The following HMGCL variants were observed in gnomAD, a reference collection of about 807,000 sequenced individuals.
HMGCL encodes the protein 3-hydroxy-3-methylglutaryl-CoA lyase, also known as hydroxymethylglutaryl-CoA lyase, mitochondrial.
In HMGCL, 26 loss-of-function variants were observed where a neutral mutation model predicts 37.3. That is an observed-to-expected ratio of 0.70 (90% CI 0.51 to 0.97). HMGCL has a LOEUF of 0.97. Ranked by LOEUF, HMGCL falls within the 50% of genes least tolerant of loss-of-function variation. HMGCL has a pLI of 0.00. For synonymous variants in HMGCL, 151 were observed against 148.0 expected, an observed-to-expected ratio of 1.02 and a Z score of -0.15; for missense variants, 379 against 398.1, an observed-to-expected ratio of 0.95 and a Z score of 0.41.
chr1:23,815,801 G>A (rs1018210712), intron 4 of HMGCL, among the ~76,000 whole-genome samples: 1 of 151,236 alleles, frequency 6.6e-6, no homozygotes, highest in Non-Finnish European at 1.5e-5. Flanking sequence ...GGCCTGTAGT[G>A]CTTTCTTACA....
At chr1:23,808,569 C>T (rs573610956) in intron 6 of HMGCL, among the ~76,000 whole-genome samples, 9 of 152,308 alleles carry the variant, frequency 5.9e-5, no homozygotes, top group Admixed American at 3.9e-4. Flanking sequence ...CTCCAACCCC[C>T]GTGCTTTCCT....
intron 4 of HMGCL, among the ~76,000 whole-genome samples, chr1:23,815,915 C>T (rs534305822): frequency 7.3e-5 from 11 of 150,338 alleles, no homozygotes; most frequent in Middle Eastern, 6.9e-3. Flanking sequence ...CCCTGGAAGT[C>T]ACTCTTGAGA....
intron 7 of HMGCL, 80 bp downstream of exon 7, chr1:23,808,055 T>C: frequency 1.5e-6 from 2 of 1,316,308 alleles, no homozygotes; most frequent in Non-Finnish European, 2.2e-6. Flanking sequence ...CATCAGTAAA[T>C]GTTTGCTGAA....
intron 2 of HMGCL, among the ~76,000 whole-genome samples, chr1:23,819,340 T>C (rs1213688529): frequency 6.6e-6 from 1 of 152,210 alleles, no homozygotes; most frequent in Non-Finnish European, 1.5e-5. Flanking sequence ...GTCCAGAATA[T>C]TTCCATCTTC....
At chr1:23,803,191 C>T (rs1274519340) in intron 8 of HMGCL, among the ~76,000 whole-genome samples, 2 of 152,084 alleles carry the variant, frequency 1.3e-5, no homozygotes, top group African/African-American at 2.4e-5. Context: ...TGTGCCACCA[C>T]ACCCAGCTAA....
At chr1:23,817,419 C>CA in intron 3 of HMGCL, 57 bp downstream of exon 3, 1 of 1,035,966 alleles carries the variant, frequency 9.7e-7, no homozygotes, top group Non-Finnish European at 1.5e-6. Context: ...GCTTCAAAGG[C>CA]AAATGCAAAA....
intron 7 of HMGCL, 44 bp downstream of exon 7, chr1:23,808,091 G>T: frequency 6.5e-7 from 1 of 1,533,992 alleles, no homozygotes; most frequent in Non-Finnish European, 9.0e-7. Context: ...AAGCTGTCCT[G>T]CCCACCGTGA....
intron 2 of HMGCL, among the ~76,000 whole-genome samples, chr1:23,818,905 T>C (rs1023577881): frequency 1.2e-4 from 17 of 144,932 alleles, no homozygotes; most frequent in African/African-American, 2.6e-4. Flanking sequence ...GCCGGGGATA[T>C]AGCAGTAAGC....
intron 7 of HMGCL, among the ~76,000 whole-genome samples, chr1:23,805,033 C>A (rs963183402): frequency 2.0e-5 from 3 of 152,056 alleles, no homozygotes; most frequent in Admixed American, 2.0e-4. Flanking sequence ...TCTATCACCC[C>A]CTTCCCCATC....
chr1:23,803,061 G>T (rs1638316646), intron 8 of HMGCL, among the ~76,000 whole-genome samples: 1 of 152,016 alleles, frequency 6.6e-6, no homozygotes, highest in Non-Finnish European at 1.5e-5. Flanking sequence ...TGGAGACAGA[G>T]TTTGCTCTTG....
chr1:23,804,491 C>T lies in HMGCL; in HGVS notation c.785G>A (p.Gly262Glu). Residue 262 changes from glycine (G) to glutamate (E), a missense_variant, in exon 8 of 9, where the codon GGA (glycine) becomes GAA (glutamate). Coordinates refer to ENST00000374490, the MANE Select transcript of HMGCL (RefSeq NM_000191.3). ...GVSVVDSSVA[G>E]LGGCPYAQGA... ...CTGTGCGTAGGGACAGCCTCCAAGT[C>T]CTGCCACAGAAGAGTCCACGACACT... The T allele has an allele frequency of 6.2e-7, 1 of 1,614,100 alleles. No homozygotes were observed. Among genetic ancestry groups the T allele is most frequent in the Non-Finnish European group, 8.5e-7 (1 of 1,179,988 alleles).
Position 23,806,985 on chromosome 1 carries a change from G to A in HMGCL, c.750+1150C>T. 1.9e-6 allele frequency: 1 copy of A among 518,972 alleles called. No homozygotes were observed. Among genetic ancestry groups the A allele is most frequent in the Non-Finnish European group, 3.8e-6 (1 of 259,868 alleles). The allele number at this position is 518,972 out of a possible 1,614,324, so 32.1% of individuals were successfully genotyped here. ...GATCCATATTTCCGAAGTAACTGATGGAAGAGGGAGGTCAGAGGAAGCTAC... is the reference window on the plus strand; with the variant it reads ...GATCCATATTTCCGAAGTAACTGATAGAAGAGGGAGGTCAGAGGAAGCTAC... On this transcript the variant is annotated intron_variant, in intron 7 of 8. Transcript: ENST00000374490. This position sits in a 1 kb window ranked among gnomAD's most constrained non-coding sequence, Gnocchi z 4.0.
At chr1:23,821,120 C>CTG (rs1638711008) in intron 1 of HMGCL, among the ~76,000 whole-genome samples, 6 of 152,164 alleles carry the variant, frequency 3.9e-5, no homozygotes, top group African/African-American at 1.2e-4. Flanking sequence ...CTTTGGGAGG[C>CTG]CGAAGCGGGC....
intron 1 of HMGCL, among the ~76,000 whole-genome samples, chr1:23,821,856 TA>T (rs1330032426): frequency 3.9e-5 from 6 of 152,222 alleles, no homozygotes; most frequent in Admixed American, 3.3e-4. Context: ...TGGCTTTTTT[TA>T]AAAAAACTGG....
At chr1:23,817,140 A>T (rs1272804807) in intron 3 of HMGCL, among the ~76,000 whole-genome samples, 1 of 152,190 alleles carries the variant, frequency 6.6e-6, no homozygotes, top group Non-Finnish European at 1.5e-5. Flanking sequence ...TATCTTTGTG[A>T]AGCAGGAGTT....
At position 23,802,320 on chromosome 1, in the gene HMGCL, T is replaced by C. The variant is rs778792823; in HGVS notation, c.*143A>G. The C allele has an allele frequency of 1.1e-5, 8 of 709,696 alleles. No individual in the cohort carries two copies. The highest frequency in any genetic ancestry group is 2.0e-5 in the Admixed American group (1 of 49,246). The allele number at this position is 709,696 out of a possible 1,614,324, so 44.0% of individuals were successfully genotyped here. On this transcript the variant is annotated 3_prime_UTR_variant, in exon 9 of 9. Transcript: ENST00000374490. ...CTCCTCCTGCCCTTCGCCTGCTTTCTGCCAGGAGAGACCTCTGTGTAGAGC... is the reference window on the plus strand; with the variant it reads ...CTCCTCCTGCCCTTCGCCTGCTTTCCGCCAGGAGAGACCTCTGTGTAGAGC...
At chr1:23,812,052 C>T (rs1475821110) in intron 5 of HMGCL, among the ~76,000 whole-genome samples, 1 of 152,202 alleles carries the variant, frequency 6.6e-6, no homozygotes, top group East Asian at 1.9e-4. Context: ...CATTCATCCA[C>T]CTGCCCGTCA....
At position 23,817,525 on chromosome 1, in the gene HMGCL, A is replaced by T. The variant is rs758518472; in HGVS notation, c.203T>A (p.Leu68His). Residue 68 changes from leucine to histidine, a missense_variant, in exon 3 of 9, where the codon CTC becomes CAC. By Grantham distance (99) the Leu-to-His change is moderately conservative. Coordinates refer to ENST00000374490, the MANE Select transcript of HMGCL (RefSeq NM_000191.3). Reference protein sequence around the residue: ...KLIDMLSEAGLSVIETTSFVS... With the variant: ...KLIDMLSEAGHSVIETTSFVS... ...AAAGCTGGTGGTTTCTATAACAGAG[A>T]GTCCTGCTTCAGAAAGCATGTCTAT... 2 of 1,613,892 alleles carry T rather than the reference A, an allele frequency of 1.2e-6. No homozygotes were observed. Among genetic ancestry groups the T allele is most frequent in the South Asian group, 2.2e-5 (2 of 91,080 alleles).
intron 4 of HMGCL, 124 bp downstream of exon 4, chr1:23,816,551 C>G (rs1638616592): frequency 1.3e-6 from 1 of 775,816 alleles, no homozygotes; most frequent in Non-Finnish European, 2.3e-6. Context: ...GCCCCAGGGT[C>G]TGGCTGACAG....
Sources: gnomAD v4.1 joint callset for allele counts (sites outside exome capture counted in the v4.1 genomes callset) on GRCh38, gnomAD v4.1.1 for gene constraint, Gnocchi (gnomAD v3.1) non-coding constraint, MANE v1.5 for transcripts, NCBI Gene and HGNC (gene_info 2026-07-23, HGNC 2026-07-21) for gene names.